MCUB: variants seen among roughly 807,000 people sequenced by gnomAD.
The protein encoded by MCUB is calcium uniporter regulatory subunit MCUb, mitochondrial.
A neutral mutation model predicts 41.4 loss-of-function variants in MCUB; 46 were observed. That is an observed-to-expected ratio of 1.11 (90% CI 0.88 to 1.42). The LOEUF (loss-of-function observed/expected upper bound fraction) is 1.42, where lower values mean the gene tolerates loss of function less well. Ranked by LOEUF, MCUB falls within the 40% of genes most tolerant of loss-of-function variation. The probability of loss-of-function intolerance (pLI) is 0.00; values close to 1 mark genes in which losing one functional copy is unlikely to be tolerated. For missense variants in MCUB, 403 were observed against 404.9 expected (o/e 1.00, Z 0.04); for synonymous variants, 148 against 148.2 (o/e 1.00, Z 0.01).
intron 1 of MCUB, among the ~76,000 whole-genome samples, chr4:109,627,781 T>G (rs1247540491): frequency 1.3e-5 from 2 of 151,926 alleles, no homozygotes; most frequent in Non-Finnish European, 2.9e-5. Flanking sequence ...GGTGTGGTGG[T>G]GCGCACCTGT....
intron 1 of MCUB, among the ~76,000 whole-genome samples, chr4:109,564,435 G>T (rs1167681399): frequency 1.3e-5 from 2 of 152,104 alleles, no homozygotes; most frequent in African/African-American, 4.8e-5. Flanking sequence ...ACTGCGCCCG[G>T]CTGGCTATAT....
At chr4:109,599,147 C>T (rs865790611) in intron 1 of MCUB, among the ~76,000 whole-genome samples, 32 of 152,164 alleles carry the variant, frequency 2.1e-4, no homozygotes, top group African/African-American at 7.5e-4. Flanking sequence ...AATTGAATAT[C>T]GTGGGTTACA....
In MCUB at chr4:109,664,392, G is replaced by T; in HGVS notation, c.449G>T (p.Arg150Ile). 1.6e-6 allele frequency: 2 copies of T among 1,261,630 alleles called. No individual in the cohort carries two copies. The highest frequency in any genetic ancestry group is 2.3e-6 in the Non-Finnish European group (2 of 866,524). 78.2% of individuals were successfully genotyped at this position (1,261,630 alleles called of 1,614,324 possible). The part of the protein sequence containing the change: ...KIAYDVQCPK[R>I]EKPSNEHTAE... ...GCATATGATGTGCAGTGTCCAAAGA[G>T]AGGTAAGAAACACAGCTATCCAACT... Residue 150 changes from arginine (R) to isoleucine (I), a missense_variant and splice_region_variant, in exon 4 of 8, where the codon AGA becomes ATA. Transcript: ENST00000394650.
intron 1 of MCUB, among the ~76,000 whole-genome samples, chr4:109,636,632 C>G (rs1024570838): frequency 1.3e-5 from 2 of 152,108 alleles, no homozygotes; most frequent in African/African-American, 2.4e-5. Flanking sequence ...GTCAGGAGTT[C>G]GAGACCAACC....
At chr4:109,599,125 G>A (rs561821773) in intron 1 of MCUB, among the ~76,000 whole-genome samples, 1 of 152,174 alleles carries the variant, frequency 6.6e-6, no homozygotes, top group Non-Finnish European at 1.5e-5. Flanking sequence ...AAGCTCTGTC[G>A]TCCAAGAACA....
chr4:109,560,580 C>G (rs1726599764), intron 1 of MCUB, 144 bp downstream of exon 1: 2 of 429,736 alleles, frequency 4.7e-6, no homozygotes, highest in Non-Finnish European at 7.8e-6. Context: ...CGGGCGGTCC[C>G]GACAGGTGGT....
At chr4:109,611,701 C>T (rs892676671) in intron 1 of MCUB, among the ~76,000 whole-genome samples, 1 of 152,082 alleles carries the variant, frequency 6.6e-6, no homozygotes, top group African/African-American at 2.4e-5. Context: ...ACAATCTAGA[C>T]ATGTATTTCT....
chr4:109,616,482 A>G (rs1375102331), intron 1 of MCUB, among the ~76,000 whole-genome samples: 1 of 152,202 alleles, frequency 6.6e-6, no homozygotes, highest in African/African-American at 2.4e-5. Context: ...AGCTGTGAGA[A>G]GAAAACATAG....
chr4:109,581,807 T>C (rs1727182889), intron 1 of MCUB, among the ~76,000 whole-genome samples: 1 of 151,974 alleles, frequency 6.6e-6, no homozygotes, highest in Non-Finnish European at 1.5e-5. Flanking sequence ...ATCAGAGAAA[T>C]GGAAATCAAA....
chr4:109,578,056 AAAT>A (rs1386842142), intron 1 of MCUB, among the ~76,000 whole-genome samples: 24 of 152,376 alleles, frequency 1.6e-4, no homozygotes, highest in African/African-American at 5.5e-4. Flanking sequence ...ATATGACTTC[AAAT>A]AATCCAAGAA....
intron 1 of MCUB, among the ~76,000 whole-genome samples, chr4:109,585,990 C>T (rs1021559411): frequency 7.9e-5 from 12 of 152,120 alleles, no homozygotes; most frequent in Non-Finnish European, 1.6e-4. Flanking sequence ...GAATGTTGTC[C>T]TGCCTTGCTA....
intron 1 of MCUB, among the ~76,000 whole-genome samples, chr4:109,579,543 C>A (rs1017396706): frequency 1.3e-5 from 2 of 152,164 alleles, no homozygotes; most frequent in African/African-American, 4.8e-5. Flanking sequence ...AAAGCAGGAC[C>A]ACCACATAGC....
intron 1 of MCUB, among the ~76,000 whole-genome samples, chr4:109,570,685 T>A (rs1282499732): frequency 6.6e-6 from 1 of 152,268 alleles, no homozygotes; most frequent in Non-Finnish European, 1.5e-5. Flanking sequence ...ATTTTGGAAG[T>A]ACTAATACAG....
At chr4:109,664,439 T>TA (rs761322820) in intron 4 of MCUB, 45 bp downstream of exon 4, 5 of 747,398 alleles carry the variant, frequency 6.7e-6, no homozygotes, top group South Asian at 4.8e-5. Context: ...TTTTTTTTTT[T>TA]AGATGAATTC....
chr4:109,688,357 T>C lies in MCUB; in HGVS notation c.*765T>C, dbSNP rs1476732189. ...TGGGTCTGATGACTGTTGGACTGTT[T>C]GTAGGAACTTAACATGGAAGATGCT... On this transcript the variant is annotated 3_prime_UTR_variant, in exon 8 of 8. Transcript: ENST00000394650. 1 of 152,258 alleles carries C rather than the reference T, an allele frequency of 6.6e-6. No individual in the cohort carries two copies. Among genetic ancestry groups the C allele is most frequent in the African/African-American group, 2.4e-5 (1 of 41,474 alleles). The allele number at this position is 152,258 out of a possible 1,614,324, so 9.4% of individuals were successfully genotyped here. A position where few individuals can be genotyped will look rare whatever the true frequency, so the allele number is the denominator to read the frequency against.
chr4:109,589,666 T>C (rs759466826), intron 1 of MCUB, among the ~76,000 whole-genome samples: 1 of 152,230 alleles, frequency 6.6e-6, no homozygotes, highest in Non-Finnish European at 1.5e-5. Flanking sequence ...CTTACTGAAA[T>C]CAGCATATTT....
At chr4:109,586,162 T>G (rs1017882849) in intron 1 of MCUB, among the ~76,000 whole-genome samples, 1 of 152,234 alleles carries the variant, frequency 6.6e-6, no homozygotes, top group Non-Finnish European at 1.5e-5. Flanking sequence ...TTTTACACTT[T>G]TTTCTCTAAA....
At chr4:109,623,721 G>A (rs1348590501) in intron 1 of MCUB, among the ~76,000 whole-genome samples, 6 of 152,078 alleles carry the variant, frequency 3.9e-5, no homozygotes, top group Non-Finnish European at 5.9e-5. Flanking sequence ...GCAAGCATTC[G>A]CTTCTTATTT....
At chr4:109,608,386 G>A (rs1414848786) in intron 1 of MCUB, among the ~76,000 whole-genome samples, 1 of 152,084 alleles carries the variant, frequency 6.6e-6, no homozygotes, top group African/African-American at 2.4e-5. Context: ...TTCAGGATTT[G>A]TCTCTGGTGC....
Sources: allele counts gnomAD v4.1 joint callset (sites outside exome capture counted in the v4.1 genomes callset), GRCh38; gene constraint gnomAD v4.1.1; transcripts MANE v1.5; gene names NCBI Gene and HGNC (gene_info 2026-07-23, HGNC 2026-07-21).